The following FHIT variants were observed in gnomAD, a reference collection of about 807,000 sequenced individuals.
FHIT encodes the protein fragile histidine triad diadenosine triphosphatase.
A neutral mutation model predicts 17.9 loss-of-function variants in FHIT; 19 were observed. The ratio of observed to expected loss-of-function variants is 1.06; its 90% CI spans 0.74 to 1.56. The LOEUF is 1.56. Among genes scored for constraint, FHIT ranks in the 40% most tolerant of loss-of-function variants. FHIT has a pLI of 0.00. For synonymous variants in FHIT, 81 were observed against 69.7 expected, an observed-to-expected ratio of 1.16 and a Z score of -0.81; for missense variants, 248 against 189.2, an observed-to-expected ratio of 1.31 and a Z score of -1.82.
intron 2 of FHIT, among the ~76,000 whole-genome samples, chr3:61,145,354 G>A (rs545861563): frequency 6.4e-4 from 98 of 152,140 alleles, no homozygotes; most frequent in Non-Finnish European, 1.2e-3. Flanking sequence ...CCATAAATGC[G>A]AGGGTTTATG....
chr3:59,960,955 A>C (rs1052219774), intron 7 of FHIT, among the ~76,000 whole-genome samples: 30 of 152,342 alleles, frequency 2.0e-4, no homozygotes, highest in African/African-American at 7.0e-4. Context: ...ATTAAATTTG[A>C]ATAGTGCACT....
chr3:59,807,107 G>C (rs1310076325), intron 8 of FHIT, among the ~76,000 whole-genome samples: 1 of 152,116 alleles, frequency 6.6e-6, no homozygotes, highest in Non-Finnish European at 1.5e-5. Context: ...AACACACACA[G>C]ATTTCTCTAT....
intron 1 of FHIT, among the ~76,000 whole-genome samples, chr3:61,225,960 A>T (rs77167980): frequency 6.6e-6 from 1 of 152,168 alleles, no homozygotes; most frequent in Non-Finnish European, 1.5e-5. Context: ...CTTATAAAAT[A>T]TTAACTATAA....
chr3:59,761,099 A>T (rs773778318), intron 8 of FHIT, among the ~76,000 whole-genome samples: 2 of 152,264 alleles, frequency 1.3e-5, no homozygotes, highest in Non-Finnish European at 2.9e-5. Flanking sequence ...TTTTCTTCTC[A>T]ACCTTGTAAG....
intron 3 of FHIT, among the ~76,000 whole-genome samples, chr3:60,920,910 T>A (rs782215158): frequency 1.3e-5 from 2 of 152,188 alleles, no homozygotes; most frequent in African/African-American, 2.4e-5. Context: ...AGAAAAATAA[T>A]GTTTCAAATT....
chr3:60,974,541 C>G lies in FHIT; in HGVS notation c.-111+67506G>C, dbSNP rs528915108. Among the ~76,000 whole-genome samples the G allele has an allele frequency of 2.0e-5, 3 of 152,266 alleles. No homozygotes were observed. In the East Asian group the frequency reaches 5.8e-4, roughly 29 times the overall value. ...GAAGCCAAAACTACTTAAAACTTCT[C>G]AGTTACATGAATCAATAAATGCCCT... On this transcript the variant is annotated intron_variant, in intron 3 of 9. Transcript: ENST00000492590.
chr3:61,101,893 C>G (rs139195367), intron 2 of FHIT, among the ~76,000 whole-genome samples: 3 of 152,156 alleles, frequency 2.0e-5, no homozygotes, highest in Admixed American at 6.5e-5. Flanking sequence ...GTGATTTTTG[C>G]GCATTGATTT....
intron 5 of FHIT, among the ~76,000 whole-genome samples, chr3:60,118,780 G>C (rs771831746): frequency 2.2e-4 from 29 of 131,212 alleles, no homozygotes; most frequent in Non-Finnish European, 3.4e-4. Flanking sequence ...GCGGCGGGGG[G>C]GGGGGGGTGG....
intron 3 of FHIT, among the ~76,000 whole-genome samples, chr3:61,041,292 A>G (rs985411773): frequency 7.3e-5 from 11 of 151,706 alleles, no homozygotes; most frequent in East Asian, 1.9e-4. Context: ...CAGGACAATC[A>G]CTTGAACCTG....
chr3:61,179,547 T>C (rs1454160022), intron 2 of FHIT, among the ~76,000 whole-genome samples: 1 of 151,182 alleles, frequency 6.6e-6, no homozygotes, highest in African/African-American at 2.4e-5. Flanking sequence ...CTGTCTCTTA[T>C]AAAAAACTAA....
At chr3:60,016,495 G>C (rs943312764) in intron 5 of FHIT, among the ~76,000 whole-genome samples, 2 of 152,166 alleles carry the variant, frequency 1.3e-5, no homozygotes, top group Non-Finnish European at 2.9e-5. Flanking sequence ...CAACACTGCA[G>C]TCTCCTCTCA....
At chr3:61,161,449 A>T (rs375824394) in intron 2 of FHIT, among the ~76,000 whole-genome samples, 10 of 152,098 alleles carry the variant, frequency 6.6e-5, no homozygotes, top group African/African-American at 2.4e-4. Context: ...TGATCCGCCC[A>T]CCTTGGCCTC....
intron 7 of FHIT, among the ~76,000 whole-genome samples, chr3:59,968,951 A>G (rs1210994741): frequency 1.3e-5 from 2 of 152,174 alleles, no homozygotes; most frequent in East Asian, 1.9e-4. Context: ...ATTCTTCACT[A>G]GGGTCTCTTC....
intron 5 of FHIT, among the ~76,000 whole-genome samples, chr3:60,297,519 AT>A (rs1354691847): frequency 6.6e-6 from 1 of 151,850 alleles, no homozygotes; most frequent in East Asian, 1.9e-4. Flanking sequence ...TATTTCTAGG[AT>A]TTTTTAAAAA....
At chr3:60,618,714 A>C (rs2039026449) in intron 4 of FHIT, among the ~76,000 whole-genome samples, 1 of 152,182 alleles carries the variant, frequency 6.6e-6, no homozygotes, top group South Asian at 2.1e-4. Flanking sequence ...AAATTTGATT[A>C]AGTTAAGGGC....
At chr3:60,412,812 T>C (rs1702110887) in intron 5 of FHIT, among the ~76,000 whole-genome samples, 1 of 152,160 alleles carries the variant, frequency 6.6e-6, no homozygotes, top group Non-Finnish European at 1.5e-5. Flanking sequence ...AGTAATTGGA[T>C]TATGGGGGTG....
chr3:59,897,338 G>A (rs184290756), intron 8 of FHIT, among the ~76,000 whole-genome samples: 1 of 152,240 alleles, frequency 6.6e-6, no homozygotes, highest in Admixed American at 6.5e-5. Flanking sequence ...ACTCCTGCTC[G>A]TCCTTCAAGA....
At chr3:60,069,833 T>A (rs1702688304) in intron 5 of FHIT, among the ~76,000 whole-genome samples, 1 of 152,188 alleles carries the variant, frequency 6.6e-6, no homozygotes, top group African/African-American at 2.4e-5. Context: ...TTCCAAGCAC[T>A]TTCACACATC....
chr3:60,271,697 A>G (rs527759554), intron 5 of FHIT, among the ~76,000 whole-genome samples: 2 of 152,298 alleles, frequency 1.3e-5, no homozygotes, highest in South Asian at 4.1e-4. Flanking sequence ...TGTCATAAAA[A>G]AGTCCTATAC....
Sources: gnomAD v4.1 joint callset for allele counts (sites outside exome capture counted in the v4.1 genomes callset) on GRCh38, gnomAD v4.1.1 for gene constraint, MANE v1.5 for transcripts, NCBI Gene and HGNC (gene_info 2026-07-23, HGNC 2026-07-21) for gene names.